Variants in GALNT13 observed in about 807,000 individuals in gnomAD.
GALNT13 encodes polypeptide N-acetylgalactosaminyltransferase 13, also known as UDP-GalNAc:polypeptide N-acetylgalactosaminyltransferase 13.
GALNT13 carries 28 observed loss-of-function variants against 64.2 expected under a neutral mutation model. The observed-to-expected ratio is 0.44, with a 90% CI of 0.32 to 0.60. The LOEUF (loss-of-function observed/expected upper bound fraction) is 0.60. GALNT13 is among the 20% of genes least tolerant of loss of function. The pLI, the probability that GALNT13 is intolerant of heterozygous loss-of-function variation, is 0.05. For synonymous variants in GALNT13, 214 were observed against 224.6 expected, an observed-to-expected ratio of 0.95 and a Z score of 0.42; for missense variants, 577 against 669.8, an observed-to-expected ratio of 0.86 and a Z score of 1.53.
At chr2:153,889,592 C>T (rs1687414587) in intron 1 of GALNT13, among the ~76,000 whole-genome samples, 1 of 152,014 alleles carries the variant, frequency 6.6e-6, no homozygotes, top group South Asian at 2.1e-4. Flanking sequence ...CTATAATTCA[C>T]TAAATACCGA....
At chr2:153,999,716 G>A (rs1164134755) in intron 3 of GALNT13, among the ~76,000 whole-genome samples, 2 of 151,788 alleles carry the variant, frequency 1.3e-5, no homozygotes, top group African/African-American at 2.4e-5. Flanking sequence ...ATTCTGGTTT[G>A]CCAGTATTTT....
At chr2:154,304,679 C>CT (rs1352900449) in intron 9 of GALNT13, among the ~76,000 whole-genome samples, 4 of 152,138 alleles carry the variant, frequency 2.6e-5, no homozygotes. Flanking sequence ...AAAATGCCTG[C>CT]TATCTGGAAC....
the GALNT13 span, among the ~76,000 whole-genome samples, chr2:153,252,841 G>C: frequency 6.6e-6 from 1 of 152,090 alleles, no homozygotes; most frequent in Non-Finnish European, 1.5e-5. Context: ...ATCTGCTTTG[G>C]TACCAGCACC....
the GALNT13 span, among the ~76,000 whole-genome samples, chr2:153,785,157 A>C: frequency 6.6e-6 from 1 of 152,042 alleles, no homozygotes; most frequent in African/African-American, 2.4e-5. Flanking sequence ...TGTTGCTTTC[A>C]GGCTTTGGAG....
chr2:154,304,575 A>G (rs1414795773), intron 9 of GALNT13, among the ~76,000 whole-genome samples: 3 of 152,196 alleles, frequency 2.0e-5, no homozygotes, highest in African/African-American at 4.8e-5. Context: ...AGTCTTTTGT[A>G]TAATTTTCCA....
At chr2:153,864,142 A>G in the GALNT13 span, among the ~76,000 whole-genome samples, 5 of 152,278 alleles carry the variant, frequency 3.3e-5, no homozygotes, top group East Asian at 7.7e-4. Context: ...TTCTCTGTCA[A>G]TGAATGCTAA....
the GALNT13 span, among the ~76,000 whole-genome samples, chr2:153,282,142 A>G: frequency 1.3e-5 from 2 of 151,886 alleles, no homozygotes; most frequent in Admixed American, 1.3e-4. Context: ...GACTGGGTTT[A>G]AAATTCTTTC....
the GALNT13 span, among the ~76,000 whole-genome samples, chr2:153,557,754 CAG>C: frequency 1.3e-5 from 2 of 152,194 alleles, no homozygotes; most frequent in East Asian, 1.9e-4. Flanking sequence ...AACGTGGCTA[CAG>C]AGTCTTTAAG....
the GALNT13 span, among the ~76,000 whole-genome samples, chr2:153,499,403 G>C: frequency 3.3e-5 from 5 of 152,234 alleles, no homozygotes; most frequent in South Asian, 2.1e-4. Context: ...AAAAAGTCCC[G>C]TAAGTTCTCA....
At chr2:153,143,070 T>C in the GALNT13 span, among the ~76,000 whole-genome samples, 23 of 151,986 alleles carry the variant, frequency 1.5e-4, no homozygotes, top group Admixed American at 3.9e-4. Context: ...AAGGAAATCA[T>C]TGGTGCCTGA....
At chr2:153,770,087 T>A in the GALNT13 span, among the ~76,000 whole-genome samples, 1 of 152,184 alleles carries the variant, frequency 6.6e-6, no homozygotes. Flanking sequence ...TTGGTTAAGA[T>A]CCATTGCTGG....
the GALNT13 span, among the ~76,000 whole-genome samples, chr2:153,091,536 T>G: frequency 6.6e-6 from 1 of 152,304 alleles, no homozygotes; most frequent in East Asian, 1.9e-4. Context: ...TTATTTAAAT[T>G]TTCCTGGTAC....
At chr2:154,135,206 C>T (rs1293637056) in intron 3 of GALNT13, among the ~76,000 whole-genome samples, 2 of 152,054 alleles carry the variant, frequency 1.3e-5, no homozygotes, top group African/African-American at 4.8e-5. Context: ...TTCCTGCCTA[C>T]CTTCATCCTT....
At chr2:153,093,236 C>CTTTTTTTTTTTTTTTTTTTTTTTTT in the GALNT13 span, among the ~76,000 whole-genome samples, 4 of 129,010 alleles carry the variant, frequency 3.1e-5, 2 homozygotes, top group Non-Finnish European at 6.5e-5. Flanking sequence ...TTTTTCTTTT[C>CTTTTTTTTTTTTTTTTTTTTTTTTT]TTTTCTTTTT....
At chr2:154,292,498 A>T (rs1189990660) in intron 8 of GALNT13, among the ~76,000 whole-genome samples, 1 of 152,156 alleles carries the variant, frequency 6.6e-6, no homozygotes, top group Non-Finnish European at 1.5e-5. Flanking sequence ...TAATCCTCAT[A>T]ACAATATTAT....
At chr2:153,949,743 C>A (rs916217827) in intron 3 of GALNT13, among the ~76,000 whole-genome samples, 7 of 151,960 alleles carry the variant, frequency 4.6e-5, no homozygotes, top group Non-Finnish European at 1.0e-4. Flanking sequence ...AACAGAGAAG[C>A]ACAGGGGGAG....
the GALNT13 span, among the ~76,000 whole-genome samples, chr2:153,740,056 C>T: frequency 6.6e-6 from 1 of 151,816 alleles, no homozygotes; most frequent in Non-Finnish European, 1.5e-5. Flanking sequence ...TGTGTCAGTT[C>T]TGGTATTTTG....
At chr2:153,273,668 C>T in the GALNT13 span, among the ~76,000 whole-genome samples, 3 of 152,074 alleles carry the variant, frequency 2.0e-5, no homozygotes, top group Non-Finnish European at 4.4e-5. Context: ...TTAAAATGGC[C>T]TGACTCATGA....
chr2:154,075,303 GTTCT>G (rs1409180872), intron 3 of GALNT13, among the ~76,000 whole-genome samples: 7 of 151,672 alleles, frequency 4.6e-5, no homozygotes, highest in South Asian at 4.1e-4. Context: ...AAACAACACA[GTTCT>G]TTCTATTTCT....
Sources: allele counts gnomAD v4.1 joint callset (sites outside exome capture counted in the v4.1 genomes callset), GRCh38; gene constraint gnomAD v4.1.1; transcripts MANE v1.5; gene names NCBI Gene and HGNC (gene_info 2026-07-23, HGNC 2026-07-21).